Variants in ASGR2 observed in about 807,000 individuals in gnomAD.
The protein encoded by ASGR2 is C-type lectin domain family 4 member H2.
Under a neutral mutation model 32.3 loss-of-function variants are expected in ASGR2, and 34 were observed. The ratio of observed to expected loss-of-function variants is 1.05; its 90% CI spans 0.80 to 1.40. ASGR2 has a LOEUF of 1.40. Among genes scored for constraint, ASGR2 ranks in the 40% most tolerant of loss-of-function variants. The pLI is 0.00. For missense variants in ASGR2, 385 were observed against 386.4 expected, an observed-to-expected ratio of 1.00 and a Z score of 0.03; for synonymous variants, 143 against 150.0, an observed-to-expected ratio of 0.95 and a Z score of 0.34.
chr17:7,105,467 C>A (rs1913539119), intron 7 of ASGR2, among the ~76,000 whole-genome samples: 1 of 152,034 alleles, frequency 6.6e-6, no homozygotes, highest in Non-Finnish European at 1.5e-5. Context: ...CGCTTGAGGC[C>A]AGGGGTTCAA....
intron 7 of ASGR2, among the ~76,000 whole-genome samples, chr17:7,105,350 A>C (rs866488935): frequency 6.6e-6 from 1 of 152,324 alleles, no homozygotes; most frequent in South Asian, 2.1e-4. Context: ...AAAGGTACTT[A>C]TTAGATTTTT....
In ASGR2 at chr17:7,114,244, G is replaced by A; in HGVS notation, c.-4C>T. On this transcript the variant is annotated 5_prime_UTR_variant, in exon 2 of 9. Coordinates refer to ENST00000691900, the MANE Select transcript of ASGR2 (RefSeq NM_001201352.2). This position sits in a 1 kb window ranked among gnomAD's most constrained non-coding sequence, Gnocchi z 4.5. ...TATCTTGAAAGTCCTTGGCCATGATGGGGCCCGGGCTGGAGCTGGAGCTGG... is the reference window on the plus strand; with the variant it reads ...TATCTTGAAAGTCCTTGGCCATGATAGGGCCCGGGCTGGAGCTGGAGCTGG... 1.2e-6 allele frequency: 2 copies of A among 1,613,858 alleles called. No homozygotes were observed. The highest frequency in any genetic ancestry group is 8.5e-7 in the Non-Finnish European group (1 of 1,180,004).
At chr17:7,112,167 A>T (rs1440868919) in intron 2 of ASGR2, among the ~76,000 whole-genome samples, 1 of 144,390 alleles carries the variant, frequency 6.9e-6, no homozygotes, top group Non-Finnish European at 1.5e-5. Context: ...AAAAAGAATT[A>T]AAAAATGGAA....
Position 7,108,480 on chromosome 17 carries a change from G to A in ASGR2, c.319C>T (p.Gln107Ter). 3 of 1,606,326 alleles carry A rather than the reference G, an allele frequency of 1.9e-6. No homozygotes were observed. Among genetic ancestry groups the A allele is most frequent in the Non-Finnish European group, 2.5e-6 (3 of 1,176,522 alleles). Residue 107 changes from glutamine to a stop codon, truncating the protein, a stop_gained, in exon 4 of 9, where the codon CAG (glutamine) becomes TAG (stop). Coordinates refer to ENST00000691900, the MANE Select transcript of ASGR2 (RefSeq NM_001201352.2). LOFTEE classifies it high-confidence loss of function. This position sits in a 1 kb window ranked among gnomAD's most constrained non-coding sequence, Gnocchi z 4.9. ...CCCTCACCGTGGGTGCTGATTGCCT[G>A]GACCTCCGTCAGGGTGCTCGAGGAG... ...NFSSSTLTEV[Q>*]AISTHGGSVG...
At position 7,107,614 on chromosome 17, in the gene ASGR2, A is replaced by G; in HGVS notation, c.409+222T>C. ...ATCTCACACACACCACCACACATGC[A>G]TACACACACAACACACACATATACA... On this transcript the variant is annotated intron_variant, in intron 5 of 8. Coordinates refer to ENST00000691900, the MANE Select transcript of ASGR2 (RefSeq NM_001201352.2). This position sits in a 1 kb window ranked among gnomAD's most constrained non-coding sequence, Gnocchi z 5.0. 3.0e-6 allele frequency: 2 copies of G among 671,490 alleles called. No homozygotes were observed. Among genetic ancestry groups the G allele is most frequent in the South Asian group, 1.8e-5 (1 of 56,408 alleles). 41.6% of individuals were successfully genotyped at this position (671,490 alleles called of 1,614,324 possible).
chr17:7,107,692 G>T lies in ASGR2; in HGVS notation c.409+144C>A. ...TGACATATCACACCACACATACGGAGAGAGACACAGATACACATGCTTGCA... is the reference window on the plus strand; with the variant it reads ...TGACATATCACACCACACATACGGATAGAGACACAGATACACATGCTTGCA... On this transcript the variant is annotated intron_variant, in intron 5 of 8. Coordinates refer to ENST00000691900, the MANE Select transcript of ASGR2 (RefSeq NM_001201352.2). The surrounding 1 kb of genome is among the most constrained non-coding windows in gnomAD (Gnocchi z 5.0). 9.8e-7 allele frequency: 1 copy of T among 1,018,342 alleles called. No individual in the cohort carries two copies. Among genetic ancestry groups the T allele is most frequent in the Non-Finnish European group, 1.5e-6 (1 of 679,392 alleles). The allele number at this position is 1,018,342 out of a possible 1,614,324, so 63.1% of individuals were successfully genotyped here. A position where few individuals can be genotyped will look rare whatever the true frequency, so the allele number is the denominator to read the frequency against.
Position 7,114,132 on chromosome 17 carries a change from T to C in ASGR2, c.109A>G (p.Asn37Asp), listed in dbSNP as rs778828651. The C allele has an allele frequency of 4.3e-6, 7 of 1,614,202 alleles. No homozygotes were observed. In the Admixed American group the frequency reaches 1.2e-4, roughly 27 times the overall value. Residue 37 changes from asparagine to aspartate, a missense_variant, in exon 2 of 9, where the codon AAT (asparagine) becomes GAT (aspartate). Transcript: ENST00000691900. This position sits in a 1 kb window ranked among gnomAD's most constrained non-coding sequence, Gnocchi z 4.5. ...GCACACTTGCCTTTCAAAAATGGAT[T>C]TCCTCTCCTGGGATTCAGCCTGCGA... ...GTRRLNPRRG[N>D]PFLKGPPPAQ... is the part of the protein sequence containing the mutation.
chr17:7,108,403 G>C lies in ASGR2; in HGVS notation c.337+59C>G, dbSNP rs62061385. ...CCCCACACAGCCCTGTTGCAGACTC[G>C]GCACTGAGCCCAGCAAACCTGTGCG... On this transcript the variant is annotated intron_variant, in intron 4 of 8. Coordinates refer to ENST00000691900, the MANE Select transcript of ASGR2 (RefSeq NM_001201352.2). The surrounding 1 kb of genome is among the most constrained non-coding windows in gnomAD (Gnocchi z 4.9). 6.6e-7 allele frequency: 1 copy of C among 1,510,576 alleles called. No homozygotes were observed. Among genetic ancestry groups the C allele is most frequent in the Non-Finnish European group, 9.0e-7 (1 of 1,117,192 alleles). The allele number at this position is 1,510,576 out of a possible 1,614,324, so 93.6% of individuals were successfully genotyped here. A position where few individuals can be genotyped will look rare whatever the true frequency, so the allele number is the denominator to read the frequency against.
chr17:7,111,447 GA>G (rs1372685402), intron 2 of ASGR2, among the ~76,000 whole-genome samples: 5 of 151,966 alleles, frequency 3.3e-5, no homozygotes, highest in Non-Finnish European at 5.9e-5. Context: ...ATGAGGTCAG[GA>G]GATCGACACC....
intron 7 of ASGR2, among the ~76,000 whole-genome samples, chr17:7,104,348 T>TAAAAAAAAAAAAAA (rs71383461): frequency 3.1e-4 from 25 of 79,806 alleles, no homozygotes; most frequent in Non-Finnish European, 4.2e-4. Flanking sequence ...AACTCTGTCT[T>TAAAAAAAAAAAAAA]AAAAAAAAAA....
intron 2 of ASGR2, among the ~76,000 whole-genome samples, chr17:7,112,576 G>A (rs1368400611): frequency 3.9e-5 from 6 of 152,188 alleles, no homozygotes; most frequent in African/African-American, 1.4e-4. Flanking sequence ...GGGCACTGGA[G>A]TTGCAGAGGA....
chr17:7,106,691 C>A (rs1381687553), intron 7 of ASGR2, among the ~76,000 whole-genome samples: 7 of 152,080 alleles, frequency 4.6e-5, no homozygotes, highest in Non-Finnish European at 8.8e-5. Flanking sequence ...ATCATGAGGT[C>A]AGGAGTTCCA....
At position 7,106,943 on chromosome 17, in the gene ASGR2, C is replaced by T. The variant is rs540449920; in HGVS notation, c.648+57G>A. ...AATGGATAAAATAAGCCTGATCCAG[C>T]CTCCCAGAGCAGGCCTTCCAAGGGC... On this transcript the variant is annotated intron_variant, in intron 7 of 8. Transcript: ENST00000691900. 5.0e-4 allele frequency: 799 copies of T among 1,585,682 alleles called. 3 individuals carry two copies. The African/African-American group carries it at 9.7e-3, about 19-fold the overall frequency.
intron 7 of ASGR2, among the ~76,000 whole-genome samples, chr17:7,104,575 C>T (rs1027107036): frequency 6.6e-6 from 1 of 151,516 alleles, no homozygotes; most frequent in Non-Finnish European, 1.5e-5. Context: ...TTGCTTGAAC[C>T]GGGAGGCAGA....
chr17:7,102,445 T>G (rs1402097393), intron 7 of ASGR2, among the ~76,000 whole-genome samples: 1 of 152,200 alleles, frequency 6.6e-6, no homozygotes, highest in African/African-American at 2.4e-5. Context: ...TCAGAAGCTC[T>G]CTAAGATGGG....
chr17:7,104,758 C>T (rs987594825), intron 7 of ASGR2, among the ~76,000 whole-genome samples: 28 of 150,438 alleles, frequency 1.9e-4, no homozygotes, highest in African/African-American at 6.6e-4. Context: ...GGGCGGATCA[C>T]GAGGTCAGGA....
Position 7,107,725 on chromosome 17 carries a change from A to ACACG in ASGR2, c.409+107_409+110dup, listed in dbSNP as rs747986102. 1.4e-5 allele frequency: 17 copies of ACACG among 1,257,238 alleles called. No homozygotes were observed. The African/African-American group carries it at 1.8e-4, about 13-fold the overall frequency. The allele number at this position is 1,257,238 out of a possible 1,614,324, so 77.9% of individuals were successfully genotyped here. On this transcript the variant is annotated intron_variant, in intron 5 of 8. Transcript: ENST00000691900. The surrounding 1 kb of genome is among the most constrained non-coding windows in gnomAD (Gnocchi z 5.0). ...CAGATACACATGCTTGCAGGCACAC[A>ACACG]CACGCACGCACGCACACGTGCACAC...
rs989940279 is a variant in ASGR2 at position 7,108,367 on chromosome 17, C to T, written c.337+95G>A. On this transcript the variant is annotated intron_variant, in intron 4 of 8. Coordinates refer to ENST00000691900, the MANE Select transcript of ASGR2 (RefSeq NM_001201352.2). This position sits in a 1 kb window ranked among gnomAD's most constrained non-coding sequence, Gnocchi z 4.9. ...CCCTGGACGCCTTGCCCAGCCTGCA[C>T]CCCCACGGCACCCCACACAGCCCTG... 9.7e-6 allele frequency: 13 copies of T among 1,346,926 alleles called. No individual in the cohort carries two copies. In the East Asian group the frequency reaches 2.8e-4, roughly 29 times the overall value. 83.4% of individuals were successfully genotyped at this position (1,346,926 alleles called of 1,614,324 possible). A position where few individuals can be genotyped will look rare whatever the true frequency, so the allele number is the denominator to read the frequency against.
At chr17:7,111,449 G>A (rs1016041979) in intron 2 of ASGR2, among the ~76,000 whole-genome samples, 7 of 152,144 alleles carry the variant, frequency 4.6e-5, no homozygotes, top group East Asian at 1.9e-4. Flanking sequence ...GAGGTCAGGA[G>A]ATCGACACCA....
Sources: allele counts gnomAD v4.1 joint callset (sites outside exome capture counted in the v4.1 genomes callset), GRCh38; gene constraint gnomAD v4.1.1; non-coding constraint Gnocchi (gnomAD v3.1); transcripts MANE v1.5; gene names NCBI Gene and HGNC (gene_info 2026-07-23, HGNC 2026-07-21).